MTFR1: variants seen among roughly 807,000 people sequenced by gnomAD.
MTFR1 encodes the protein chondrocyte protein with a poly-proline region.
MTFR1 carries 28 observed loss-of-function variants against 38.8 expected under a neutral mutation model. The observed-to-expected ratio is 0.72, with a 90% confidence interval of 0.53 to 0.99. MTFR1 has a LOEUF of 0.99. Ranked by LOEUF, MTFR1 falls within the 50% of genes least tolerant of loss-of-function variation. The pLI, the probability that MTFR1 is intolerant of heterozygous loss-of-function variation, is 0.00. For synonymous variants in MTFR1, 145 were observed against 137.0 expected (o/e 1.06, Z -0.41); for missense variants, 358 against 395.5 (o/e 0.91, Z 0.81).
chr8:65,715,991 T>C, intron 2 of MTFR1, among the ~76,000 whole-genome samples: 1 of 85,486 alleles, frequency 1.2e-5, no homozygotes, highest in African/African-American at 4.4e-5. Flanking sequence ...AGCAAGGCTC[T>C]GTCTCAAAAA....
At chr8:65,716,148 CA>C (rs376045290) in intron 2 of MTFR1, among the ~76,000 whole-genome samples, 200 of 88,566 alleles carry the variant, frequency 2.3e-3, no homozygotes, top group African/African-American at 3.0e-3. Context: ...GACCCTGTCT[CA>C]AAAAAAAAAA....
chr8:65,741,803 T>C (rs1340264545), intron 3 of MTFR1, among the ~76,000 whole-genome samples: 1 of 152,240 alleles, frequency 6.6e-6, no homozygotes, highest in East Asian at 1.9e-4. Flanking sequence ...GTTCTCCAAA[T>C]TGTTTTTCAA....
chr8:65,707,495 A>C (rs1239478033), intron 6 of MTFR1, among the ~76,000 whole-genome samples: 2 of 152,200 alleles, frequency 1.3e-5, no homozygotes, highest in Non-Finnish European at 2.9e-5. Flanking sequence ...TTTTCATGTA[A>C]AGTCTTCACT....
In MTFR1 at chr8:65,719,804, T is replaced by C. The variant is rs182041078; in HGVS notation, c.*48+323T>C. On this transcript the variant is annotated intron_variant, in intron 3 of 3. Coordinates refer to the MTFR1 transcript ENST00000521247. The stretch of plus-strand genomic sequence containing the variant: ...TACTTAAGCAAAAATACACTGCCCA[T>C]CTAAACTCTGAGGATACTCGGGCAT... 4 of 343,818 alleles carry C rather than the reference T, an allele frequency of 1.2e-5. No homozygotes were observed. The East Asian group carries it at 2.5e-4, about 22-fold the overall frequency. 21.3% of individuals were successfully genotyped at this position (343,818 alleles called of 1,614,324 possible).
intron 3 of MTFR1, chr8:65,723,316 A>T (rs2129065012): frequency 3.3e-6 from 1 of 302,008 alleles, no homozygotes; most frequent in Non-Finnish European, 5.8e-6. Flanking sequence ...GAACAGAAAC[A>T]AGTTATTGCT....
chr8:65,661,144 A>G (rs557612981), intron 1 of MTFR1, among the ~76,000 whole-genome samples: 3 of 152,232 alleles, frequency 2.0e-5, no homozygotes, highest in Non-Finnish European at 4.4e-5. Context: ...TGGTGGATAC[A>G]TATCATTATT....
intron 1 of MTFR1, among the ~76,000 whole-genome samples, chr8:65,664,834 C>T (rs993101597): frequency 2.0e-5 from 3 of 151,892 alleles, no homozygotes; most frequent in African/African-American, 7.3e-5. Context: ...GTGATCTGCC[C>T]ACCTTGGCTT....
At chr8:65,686,266 G>T (rs1805068359) in intron 3 of MTFR1, among the ~76,000 whole-genome samples, 1 of 152,130 alleles carries the variant, frequency 6.6e-6, no homozygotes, top group Non-Finnish European at 1.5e-5. Flanking sequence ...CAAATAGTAT[G>T]TTTTATAAAT....
intron 1 of MTFR1, among the ~76,000 whole-genome samples, chr8:65,667,871 C>T (rs1329892460): frequency 6.6e-6 from 1 of 152,192 alleles, no homozygotes; most frequent in Non-Finnish European, 1.5e-5. Flanking sequence ...CATATGAACT[C>T]ACACCCTGTT....
chr8:65,672,968 T>G (rs970367628), intron 2 of MTFR1, among the ~76,000 whole-genome samples: 1 of 152,250 alleles, frequency 6.6e-6, no homozygotes, highest in Non-Finnish European at 1.5e-5. Flanking sequence ...TTATCATTCA[T>G]GTGTTCACTG....
At chr8:65,707,800 A>G in intron 6 of MTFR1, 43 bp from the exon 7 acceptor site, 3 of 1,592,748 alleles carry the variant, frequency 1.9e-6, no homozygotes, top group East Asian at 4.5e-5. Context: ...GAGGGTGGCC[A>G]GTGTATTGAT....
chr8:65,672,155 A>G (rs1804581765), intron 2 of MTFR1, among the ~76,000 whole-genome samples: 1 of 152,252 alleles, frequency 6.6e-6, no homozygotes. Flanking sequence ...CTTCCTACTA[A>G]TGGTGGATTA....
chr8:65,666,610 A>T (rs550831064), intron 1 of MTFR1, among the ~76,000 whole-genome samples: 1 of 152,192 alleles, frequency 6.6e-6, no homozygotes. Context: ...CAAATAGAAG[A>T]TAATTTGATA....
intron 3 of MTFR1, among the ~76,000 whole-genome samples, chr8:65,749,409 A>G (rs1807831193): frequency 6.6e-6 from 1 of 152,180 alleles, no homozygotes; most frequent in Non-Finnish European, 1.5e-5. Context: ...TACTTCTCCC[A>G]TTTTTCATTC....
chr8:65,768,370 T>C (rs1293191281), intron 3 of MTFR1, among the ~76,000 whole-genome samples: 3 of 151,846 alleles, frequency 2.0e-5, no homozygotes, highest in Admixed American at 6.6e-5. Flanking sequence ...TGGTAGGAGG[T>C]AGTTGAATCA....
intron 1 of MTFR1, among the ~76,000 whole-genome samples, chr8:65,655,641 AG>A (rs1809233786): frequency 6.6e-6 from 1 of 152,108 alleles, no homozygotes; most frequent in South Asian, 2.1e-4. Context: ...TGAATTTCAA[AG>A]TTTAATTTTC....
At chr8:65,727,444 G>T in intron 3 of MTFR1, 1 of 1,177,820 alleles carries the variant, frequency 8.5e-7, no homozygotes, top group Non-Finnish European at 1.2e-6. Context: ...TTGTTCATTA[G>T]GTTCACCAAG....
intron 4 of MTFR1, among the ~76,000 whole-genome samples, chr8:65,701,168 A>C (rs982537158): frequency 1.2e-4 from 18 of 152,190 alleles, no homozygotes; most frequent in African/African-American, 4.1e-4. Flanking sequence ...TTCTCCTTTA[A>C]ATATTGAAGC....
the MTFR1 span, among the ~76,000 whole-genome samples, chr8:65,777,040 A>T: frequency 6.6e-6 from 1 of 150,642 alleles, no homozygotes; most frequent in African/African-American, 2.4e-5. Context: ...CTTGCTCAGA[A>T]TTATAAGAAA....
Sources: allele counts gnomAD v4.1 joint callset (sites outside exome capture counted in the v4.1 genomes callset), GRCh38; gene constraint gnomAD v4.1.1; transcripts MANE v1.5; gene names NCBI Gene and HGNC (gene_info 2026-07-23, HGNC 2026-07-21).